ADAMTS1: variants seen among roughly 807,000 people sequenced by gnomAD.
The protein encoded by ADAMTS1 is A disintegrin and metalloproteinase with thrombospondin motifs 1.
Under a neutral mutation model 87.9 loss-of-function variants are expected in ADAMTS1, and 19 were observed. That is an observed-to-expected ratio of 0.22 (90% CI 0.15 to 0.32). The LOEUF is 0.32. ADAMTS1 is among the 10% of genes least tolerant of loss of function. The pLI is 1.00. For missense variants in ADAMTS1, 1,240 were observed against 1,259.1 expected (o/e 0.98, Z 0.23); for synonymous variants, 542 against 501.8 (o/e 1.08, Z -1.07).
Position 26,842,695 on chromosome 21 carries a change from A to G in ADAMTS1, c.731-10T>C, listed in dbSNP as rs528225521. Reference sequence around the variant, plus strand: ...CTTATGCTTCCAGTTCCTGTAAAGAAAAAAAAAAGTTTGCTTATGGTCAGG... The same window carrying G: ...CTTATGCTTCCAGTTCCTGTAAAGAGAAAAAAAAGTTTGCTTATGGTCAGG... On this transcript the variant is annotated splice_polypyrimidine_tract_variant and intron_variant, in intron 1 of 8. Transcript: ENST00000284984. 1.2e-6 allele frequency: 2 copies of G among 1,600,760 alleles called. No homozygotes were observed. Among genetic ancestry groups the G allele is most frequent in the South Asian group, 2.2e-5 (2 of 89,384 alleles).
At position 26,838,265 on chromosome 21, in the gene ADAMTS1, C is replaced by T; in HGVS notation, c.2218G>A (p.Asp740Asn). The T allele has an allele frequency of 6.2e-7, 1 of 1,607,226 alleles. No homozygotes were observed. Reference sequence around the variant, plus strand: ...GCTCCAGTTGGAATTGTGATGATATCATGATATCCAGGTCTGCAGGTGACA... The same window carrying T: ...GCTCCAGTTGGAATTGTGATGATATTATGATATCCAGGTCTGCAGGTGACA... ...SVTSAKPGYH[D>N]IITIPTGATN... The change falls in exon 9 of 9, where the codon GAT (aspartate) becomes AAT (asparagine). Residue 740 changes from aspartate to asparagine, a missense_variant. By Grantham distance (23) the Asp-to-Asn change is conservative. Transcript: ENST00000284984.
In ADAMTS1 at chr21:26,838,552, T is replaced by C. The variant is rs1985426364; in HGVS notation, c.2091A>G (p.Val697=). 6.2e-7 allele frequency: 1 copy of C among 1,614,218 alleles called. No homozygotes were observed. Among genetic ancestry groups the C allele is most frequent in the Non-Finnish European group, 8.5e-7 (1 of 1,180,042 alleles). ...CTATGATGCGATCACAACCAGCTTT[T>C]ACACACTGTCCTTGCACACAGACAG... ...STSVCVQGQC[V]KAGCDRIIDS... The change falls in exon 8 of 9, where the codon GTA becomes GTG. Residue 697 remains valine (V), a synonymous_variant. Coordinates refer to ENST00000284984, the MANE Select transcript of ADAMTS1 (RefSeq NM_006988.5).
At chr21:26,843,834 G>T (rs1985549331) in intron 1 of ADAMTS1, 4 of 458,606 alleles carry the variant, frequency 8.7e-6, no homozygotes, top group East Asian at 6.6e-5. Flanking sequence ...AAAACTCAGC[G>T]CAACGTTGCA....
At chr21:26,841,734 CTA>C (rs1985498190) in intron 3 of ADAMTS1, 122 bp downstream of exon 3, 1 of 1,106,470 alleles carries the variant, frequency 9.0e-7, no homozygotes, top group Non-Finnish European at 1.3e-6. Context: ...AAAATATTTT[CTA>C]TAGTTTCTAA....
At chr21:26,843,543 C>G (rs1212346100) in intron 1 of ADAMTS1, 2 of 470,422 alleles carry the variant, frequency 4.3e-6, no homozygotes, top group Non-Finnish European at 4.4e-6. Flanking sequence ...CCGGCAGTGA[C>G]TTTCAACAGT....
At position 26,839,772 on chromosome 21, in the gene ADAMTS1, G is replaced by T; in HGVS notation, c.1853-10C>A. ...TCTCTAAAGGTTTTTCCTGGAAAGA[G>T]AATAATATGATAACATTATCAGTTT... On this transcript the variant is annotated splice_polypyrimidine_tract_variant and intron_variant, in intron 6 of 8. Transcript: ENST00000284984. The T allele has an allele frequency of 6.2e-7, 1 of 1,604,340 alleles. No homozygotes were observed. Among genetic ancestry groups the T allele is most frequent in the African/African-American group, 1.3e-5 (1 of 74,682 alleles).
At chr21:26,839,106 T>C (rs1985438626) in intron 7 of ADAMTS1, 1 of 159,404 alleles carries the variant, frequency 6.3e-6, no homozygotes, top group Non-Finnish European at 1.4e-5. Context: ...AATGATGCTT[T>C]TCCTAGTTCA....
intron 2 of ADAMTS1, 46 bp from the exon 3 acceptor site, chr21:26,842,036 C>A: frequency 6.3e-7 from 1 of 1,584,176 alleles, no homozygotes; most frequent in East Asian, 2.2e-5. Flanking sequence ...GGAGCATGAC[C>A]CTTGGGATCT....
chr21:26,845,173 G>T lies in ADAMTS1; in HGVS notation c.-219C>A. ...CGGCGCGCGGGAAGTTTTTCTTCCAGCGCAAAGTTGGAGACACTGAGAGGC... is the reference window on the plus strand; with the variant it reads ...CGGCGCGCGGGAAGTTTTTCTTCCATCGCAAAGTTGGAGACACTGAGAGGC... On this transcript the variant is annotated 5_prime_UTR_variant, in exon 1 of 9. It adds an upstream start codon to the 5' untranslated region. Coordinates refer to ENST00000284984, the MANE Select transcript of ADAMTS1 (RefSeq NM_006988.5). The T allele has an allele frequency of 1.9e-6, 1 of 538,302 alleles. No homozygotes were observed. Among genetic ancestry groups the T allele is most frequent in the Non-Finnish European group, 2.9e-6 (1 of 350,078 alleles). The allele number at this position is 538,302 out of a possible 1,614,324, so 33.3% of individuals were successfully genotyped here.
rs767790626 is a variant in ADAMTS1 at position 26,839,471 on chromosome 21, T to G, written c.2028+116A>C. Reference sequence around the variant, plus strand: ...TAATGTAAAAGAAAAGGAGTTCAAATTTGAAATTGAAGATATGTTAATATG... The same window carrying G: ...TAATGTAAAAGAAAAGGAGTTCAAAGTTGAAATTGAAGATATGTTAATATG... On this transcript the variant is annotated intron_variant, in intron 7 of 8. Coordinates refer to ENST00000284984, the MANE Select transcript of ADAMTS1 (RefSeq NM_006988.5). 5.9e-5 allele frequency: 57 copies of G among 973,750 alleles called. 2 individuals carry two copies. Among genetic ancestry groups the G allele is most frequent in the Non-Finnish European group, 8.1e-5 (55 of 681,912 alleles). The allele number at this position is 973,750 out of a possible 1,614,324, so 60.3% of individuals were successfully genotyped here.
intron 1 of ADAMTS1, chr21:26,843,505 C>T (rs1568812068): frequency 1.2e-5 from 4 of 333,048 alleles, no homozygotes; most frequent in South Asian, 7.3e-5. Flanking sequence ...ATAAGCACTG[C>T]ACAGAGAGAA....
Position 26,844,349 on chromosome 21 carries a change from G to C in ADAMTS1, c.606C>G (p.Asp202Glu), listed in dbSNP as rs890911034. The change falls in exon 1 of 9, where the codon GAC becomes GAG. Residue 202 changes from aspartate (D) to glutamate (E), a missense_variant. Physicochemically the swap from Asp to Glu is conservative, Grantham distance 45. Around this residue, in one of 3 missense-constraint regions of ADAMTS1, gnomAD observed 521 missense variants for 449.7 expected, o/e 1.16. Coordinates refer to ENST00000284984, the MANE Select transcript of ADAMTS1 (RefSeq NM_006988.5). ...CTTTCCCAGTCGGCCGGGGCTCGTCGTCCACGACCCCGCACGTGCCGCCGA... is the reference window on the plus strand; with the variant it reads ...CTTTCCCAGTCGGCCGGGGCTCGTCCTCCACGACCCCGCACGTGCCGCCGA... ...GDVGGTCGVV[D>E]DEPRPTGKAE... 1 of 1,603,482 alleles carries C rather than the reference G, an allele frequency of 6.2e-7. No homozygotes were observed. The highest frequency in any genetic ancestry group is 2.3e-5 in the East Asian group (1 of 44,134).
At chr21:26,842,715 G>A in intron 1 of ADAMTS1, 30 bp from the exon 2 acceptor site, 1 of 1,582,118 alleles carries the variant, frequency 6.3e-7, no homozygotes, top group East Asian at 2.2e-5. Context: ...TTTGCTTATG[G>A]TCAGGCTGTC....
At position 26,842,620 on chromosome 21, in the gene ADAMTS1, C is replaced by T. The variant is rs768323257; in HGVS notation, c.796G>A (p.Ala266Thr). ...TGGAATTCTGCCATCGACTGGTCTG[C>T]CACAAGCATGGTTTCCACATAGCGG... ...SHRYVETMLVADQSMAEFHGS... is the reference protein window; with the variant it reads ...SHRYVETMLVTDQSMAEFHGS... Residue 266 changes from alanine (A) to threonine (T), a missense_variant, in exon 2 of 9, where the codon GCA becomes ACA. Coordinates refer to ENST00000284984, the MANE Select transcript of ADAMTS1 (RefSeq NM_006988.5). The T allele has an allele frequency of 1.2e-6, 2 of 1,614,006 alleles. No individual in the cohort carries two copies. The highest frequency in any genetic ancestry group is 3.3e-5 in the Admixed American group (2 of 60,020).
intron 7 of ADAMTS1, 86 bp from the exon 8 acceptor site, chr21:26,838,700 T>G: frequency 1.5e-6 from 2 of 1,338,858 alleles, no homozygotes; most frequent in Non-Finnish European, 2.0e-6. Flanking sequence ...TCTCTCTACT[T>G]TCCTGACCAT....
Position 26,837,953 on chromosome 21 carries a change from T to A in ADAMTS1, c.2530A>T (p.Lys844Ter). The A allele has an allele frequency of 6.2e-7, 1 of 1,614,114 alleles. No homozygotes were observed. Among genetic ancestry groups the A allele is most frequent in the East Asian group, 2.2e-5 (1 of 44,898 alleles). ...PKIKYTYFVK[K>*]KKESFNAIPT... Reference sequence around the variant, plus strand: ...ATAGCATTGAAAGATTCCTTCTTCTTCTTTACGAAGTAGGTGTATTTAATT... The same window carrying A: ...ATAGCATTGAAAGATTCCTTCTTCTACTTTACGAAGTAGGTGTATTTAATT... The change falls in exon 9 of 9, where the codon AAG (lysine) becomes TAG (stop). Residue 844 changes from lysine to a stop codon, truncating the protein, a stop_gained. Coordinates refer to ENST00000284984, the MANE Select transcript of ADAMTS1 (RefSeq NM_006988.5). LOFTEE classifies it high-confidence loss of function.
rs1985429717 is a variant in ADAMTS1 at position 26,838,680 on chromosome 21, GT to G, written c.2029-67del. 3 of 1,498,518 alleles carry G rather than the reference GT, an allele frequency of 2.0e-6. No individual in the cohort carries two copies. In the Admixed American group the frequency reaches 5.6e-5, roughly 28 times the overall value. 92.8% of individuals were successfully genotyped at this position (1,498,518 alleles called of 1,614,324 possible). On this transcript the variant is annotated intron_variant, in intron 7 of 8. Transcript: ENST00000284984. ...GGAAGGAGATGCTGCAATGATAAGT[GT>G]AAACATTTTCTCTCTACTTTCCTGA...
chr21:26,837,969 G>A lies in ADAMTS1; in HGVS notation c.2514C>T (p.Tyr838=), dbSNP rs1379844115. 1 of 1,614,250 alleles carries A rather than the reference G, an allele frequency of 6.2e-7. No homozygotes were observed. The highest frequency in any genetic ancestry group is 8.5e-7 in the Non-Finnish European group (1 of 1,180,052). The change falls in exon 9 of 9, where the codon TAC becomes TAT. Residue 838 remains tyrosine (Y), a synonymous_variant. Transcript: ENST00000284984. The part of the protein sequence containing the change: ...VGNALRPKIK[Y]TYFVKKKKES... The stretch of plus-strand genomic sequence containing the variant: ...CCTTCTTCTTCTTTACGAAGTAGGT[G>A]TATTTAATTTTAGGTCGAAGGGCAT...
At position 26,844,830 on chromosome 21, in the gene ADAMTS1, G is replaced by C; in HGVS notation, c.125C>G (p.Ala42Gly). 6.4e-7 allele frequency: 1 copy of C among 1,551,518 alleles called. No homozygotes were observed. The highest frequency in any genetic ancestry group is 8.7e-7 in the Non-Finnish European group (1 of 1,148,672). The change falls in exon 1 of 9, where the codon GCG (alanine) becomes GGG (glycine). Residue 42 changes from alanine (A) to glycine (G), a missense_variant. By Grantham distance (60) the Ala-to-Gly change is moderately conservative. Around this residue, in one of 3 missense-constraint regions of ADAMTS1, gnomAD observed 521 missense variants for 449.7 expected, o/e 1.16. Coordinates refer to ENST00000284984, the MANE Select transcript of ADAMTS1 (RefSeq NM_006988.5). ...PVPTLLLLAA[A>G]LLAVSDALGR... ...GAGTGCGTCCGACACGGCCAGTAGC[G>C]CCGCGGCGAGCAGCAGCAGCGTGGG...
Sources: gnomAD v4.1 joint callset for allele counts on GRCh38, gnomAD v4.1.1 for gene constraint, gnomAD v4.1.1 regional missense constraint, MANE v1.5 for transcripts, NCBI Gene and HGNC (gene_info 2026-07-23, HGNC 2026-07-21) for gene names.